Variants in NSUN6 observed in about 807,000 individuals in gnomAD.
NSUN6 encodes the protein tRNA (cytosine(72)-C(5))-methyltransferase NSUN6.
Under a neutral mutation model 58.0 loss-of-function variants are expected in NSUN6, and 64 were observed. The observed-to-expected ratio is 1.10, with a 90% CI of 0.90 to 1.36. NSUN6 has a LOEUF of 1.36. NSUN6 is among the 40% of genes most tolerant of loss of function. NSUN6 has a pLI of 0.00. For missense variants in NSUN6, 701 were observed against 550.1 expected, an observed-to-expected ratio of 1.27 and a Z score of -2.74; for synonymous variants, 231 against 193.9, an observed-to-expected ratio of 1.19 and a Z score of -1.59.
intron 8 of NSUN6, among the ~76,000 whole-genome samples, chr10:18,555,073 A>G (rs2054888261): frequency 6.7e-6 from 1 of 149,774 alleles, no homozygotes; most frequent in Admixed American, 6.7e-5. Context: ...TGGAGTGGAG[A>G]ATAGAAAGGA....
chr10:18,595,937 G>A (rs978420831), intron 7 of NSUN6, among the ~76,000 whole-genome samples: 1 of 152,080 alleles, frequency 6.6e-6, no homozygotes, highest in African/African-American at 2.4e-5. Flanking sequence ...ATAAGAAAAT[G>A]AAATAATCTA....
At chr10:18,603,005 G>C (rs2057907058) in intron 6 of NSUN6, among the ~76,000 whole-genome samples, 1 of 152,076 alleles carries the variant, frequency 6.6e-6, no homozygotes, top group Non-Finnish European at 1.5e-5. Context: ...TTAAAATTCA[G>C]AATTAGGTCG....
chr10:18,581,369 C>A (rs765519827), intron 8 of NSUN6, among the ~76,000 whole-genome samples: 1 of 152,078 alleles, frequency 6.6e-6, no homozygotes, highest in Non-Finnish European at 1.5e-5. Flanking sequence ...ACAAAGATGG[C>A]GATGAAAGTG....
At chr10:18,594,615 C>CA (rs1554866056) in intron 7 of NSUN6, among the ~76,000 whole-genome samples, 1 of 151,728 alleles carries the variant, frequency 6.6e-6, no homozygotes, top group African/African-American at 2.4e-5. Flanking sequence ...TGCCCAGCTA[C>CA]TTTTTTTTGT....
chr10:18,608,638 C>CAA (rs5783614), intron 6 of NSUN6, among the ~76,000 whole-genome samples: 27,055 of 107,172 alleles, frequency 0.25, 3,219 homozygotes, highest in South Asian at 0.34. Flanking sequence ...GATCCTGTCT[C>CAA]AAAAAAAAAA....
Position 18,632,341 on chromosome 10 carries a change from A to G in NSUN6, c.311+10135T>C, listed in dbSNP as rs1291506407. Among the ~76,000 whole-genome samples, 124 of 125,548 alleles carry G rather than the reference A, an allele frequency of 9.9e-4. 4 individuals are homozygous for G. Among genetic ancestry groups the G allele is most frequent in the African/African-American group, 3.4e-3 (120 of 34,862 alleles). 82.4% of individuals were successfully genotyped at this position (125,548 alleles called of 152,430 possible). On this transcript the variant is annotated intron_variant, in intron 3 of 10. Transcript: ENST00000377304. Reference sequence around the variant, plus strand: ...AGGCATTACCATTCAGGACTTAGGCATGGGCAAGGACTTCATGTCTAAAAC... The same window carrying G: ...AGGCATTACCATTCAGGACTTAGGCGTGGGCAAGGACTTCATGTCTAAAAC...
chr10:18,558,751 G>A (rs1296419163), intron 8 of NSUN6, among the ~76,000 whole-genome samples: 1 of 150,098 alleles, frequency 6.7e-6, no homozygotes, highest in African/African-American at 2.4e-5. Context: ...GAAAGGAATG[G>A]AATGGAGGTT....
At chr10:18,563,311 TGGA>T (rs1403789359) in intron 8 of NSUN6, among the ~76,000 whole-genome samples, 1 of 148,126 alleles carries the variant, frequency 6.8e-6, no homozygotes, top group Non-Finnish European at 1.5e-5. Flanking sequence ...CAGAATGGAA[TGGA>T]GAATGTAATT....
intron 1 of NSUN6, among the ~76,000 whole-genome samples, chr10:18,649,533 T>G (rs889419627): frequency 1.3e-5 from 2 of 150,368 alleles, no homozygotes; most frequent in Non-Finnish European, 1.5e-5. Context: ...GAGGCTGAGG[T>G]GAGAGGATCA....
Position 18,651,546 on chromosome 10 carries a change from A to G in NSUN6, c.-343T>C. On this transcript the variant is annotated 5_prime_UTR_variant, in exon 1 of 11. Coordinates refer to ENST00000377304, the MANE Select transcript of NSUN6 (RefSeq NM_182543.5). ...CGTGGTGAAACGGACGCAGATCAGT[A>G]AGCCAGGCTGACAGCAGCTCGGTCC... is the stretch of plus-strand genomic sequence containing the variant. The G allele has an allele frequency of 9.9e-7, 1 of 1,012,384 alleles. No individual in the cohort carries two copies. Among genetic ancestry groups the G allele is most frequent in the Non-Finnish European group, 1.2e-6 (1 of 847,794 alleles). 62.7% of individuals were successfully genotyped at this position (1,012,384 alleles called of 1,614,324 possible).
chr10:18,576,030 T>C (rs528224421), intron 8 of NSUN6, among the ~76,000 whole-genome samples: 2 of 152,198 alleles, frequency 1.3e-5, no homozygotes, highest in East Asian at 3.9e-4. Flanking sequence ...CCACAGTCCG[T>C]ACAGCTGAGA....
chr10:18,657,340 A>T (rs984048782), upstream of NSUN6, among the ~76,000 whole-genome samples: 4 of 152,198 alleles, frequency 2.6e-5, no homozygotes, highest in African/African-American at 9.6e-5. Context: ...ATATTAGAAC[A>T]GTCTCATTGT....
chr10:18,615,098 T>C (rs956530260), intron 4 of NSUN6, among the ~76,000 whole-genome samples: 13 of 139,518 alleles, frequency 9.3e-5, no homozygotes, highest in African/African-American at 3.3e-4. Context: ...TAAGCATATA[T>C]AGTCATTCAT....
intron 2 of NSUN6, among the ~76,000 whole-genome samples, chr10:18,644,713 G>A (rs1444874235): frequency 4.6e-5 from 7 of 151,736 alleles, no homozygotes; most frequent in East Asian, 1.9e-4. Flanking sequence ...GGTGGCGGGC[G>A]CCTGTAGTCC....
intron 3 of NSUN6, among the ~76,000 whole-genome samples, chr10:18,617,130 A>T (rs2058439313): frequency 6.6e-6 from 1 of 150,680 alleles, no homozygotes; most frequent in African/African-American, 2.4e-5. Context: ...CAATCTCATG[A>T]TTTCAATAAT....
At chr10:18,608,721 A>G (rs1305157286) in intron 6 of NSUN6, among the ~76,000 whole-genome samples, 1 of 152,006 alleles carries the variant, frequency 6.6e-6, no homozygotes, top group Non-Finnish European at 1.5e-5. Context: ...TGCATTAAAC[A>G]TTATTAACTG....
chr10:18,592,958 C>G (rs2131178480), intron 7 of NSUN6, among the ~76,000 whole-genome samples: 1 of 152,086 alleles, frequency 6.6e-6, no homozygotes, highest in South Asian at 2.1e-4. Flanking sequence ...TGCAATCTAC[C>G]CATCTGACAA....
At chr10:18,595,123 T>G (rs7075135) in intron 7 of NSUN6, among the ~76,000 whole-genome samples, 1 of 151,962 alleles carries the variant, frequency 6.6e-6, no homozygotes, top group Non-Finnish European at 1.5e-5. Flanking sequence ...ACCAAGTGAA[T>G]GGGCCCACCC....
chr10:18,636,720 A>G (rs1309358745), intron 3 of NSUN6, among the ~76,000 whole-genome samples: 1 of 151,758 alleles, frequency 6.6e-6, no homozygotes, highest in Non-Finnish European at 1.5e-5. Context: ...GGTGAAACCC[A>G]GTCTCTATTA....
Sources: allele counts gnomAD v4.1 joint callset (sites outside exome capture counted in the v4.1 genomes callset), GRCh38; gene constraint gnomAD v4.1.1; transcripts MANE v1.5; gene names NCBI Gene and HGNC (gene_info 2026-07-23, HGNC 2026-07-21).